Variants in GSN observed in about 807,000 individuals in gnomAD.
GSN encodes gelsolin.
Under a neutral mutation model 85.7 loss-of-function variants are expected in GSN, and 56 were observed. The observed-to-expected ratio is 0.65, with a 90% CI of 0.53 to 0.82. The LOEUF (loss-of-function observed/expected upper bound fraction) is 0.82. Ranked by LOEUF, GSN falls within the 40% of genes least tolerant of loss-of-function variation. GSN has a pLI of 0.00. For missense variants in GSN, 857 were observed against 979.8 expected, an observed-to-expected ratio of 0.87 and a Z score of 1.67; for synonymous variants, 373 against 399.1, an observed-to-expected ratio of 0.93 and a Z score of 0.78.
rs2063346529 is a variant in GSN at position 121,327,394 on chromosome 9, A to C, written c.1674A>C (p.Gly558=). The part of the protein sequence containing the change: ...PSAAYLWVGT[G]ASEAEKTGAQ... ...CCGCCTACCTGTGGGTGGGTACAGG[A>C]GCCAGCGAGGCAGAGAAGACGGGGG... The change falls in exon 14 of 18, where the codon GGA becomes GGC. Residue 558 remains glycine, a synonymous_variant. Transcript: ENST00000432226. The C allele has an allele frequency of 6.2e-7, 1 of 1,613,556 alleles. No homozygotes were observed. The highest frequency in any genetic ancestry group is 1.3e-5 in the African/African-American group (1 of 75,002).
At chr9:121,205,993 C>T (rs1231600428), upstream of GSN, among the ~76,000 whole-genome samples, 2 of 151,752 alleles carry the variant, frequency 1.3e-5, no homozygotes. Flanking sequence ...TTCCCCCCTA[C>T]CCCTATGCTT....
intron 5 of GSN, among the ~76,000 whole-genome samples, chr9:121,233,417 A>G (rs2054431572): frequency 6.6e-6 from 1 of 152,158 alleles, no homozygotes; most frequent in South Asian, 2.1e-4. Context: ...GTGAGCTGAG[A>G]TCACGCCACT....
chr9:121,274,996 T>C (rs1048311426), intron 1 of GSN, among the ~76,000 whole-genome samples: 2 of 152,200 alleles, frequency 1.3e-5, no homozygotes, highest in Non-Finnish European at 2.9e-5. Context: ...AAATTTCTGC[T>C]CATAAAGGTT....
intron 5 of GSN, chr9:121,231,377 TGA>T (rs1468459987): frequency 6.6e-6 from 1 of 152,166 alleles, no homozygotes; most frequent in Non-Finnish European, 1.5e-5. Flanking sequence ...TGATAACTCG[TGA>T]AAGCCTTAGG....
intron 4 of GSN, among the ~76,000 whole-genome samples, chr9:121,304,226 T>C (rs1457331877): frequency 6.7e-6 from 1 of 149,940 alleles, no homozygotes; most frequent in Non-Finnish European, 1.5e-5. Flanking sequence ...GAGACTCAGA[T>C]AGCAATGGGC....
chr9:121,205,669 G>A (rs558845261), upstream of GSN, among the ~76,000 whole-genome samples: 2 of 152,166 alleles, frequency 1.3e-5, no homozygotes, highest in Non-Finnish European at 2.9e-5. Context: ...CCATCTGCTG[G>A]AAGATATAGC....
chr9:121,315,127 C>G (rs2061566587), intron 7 of GSN, among the ~76,000 whole-genome samples: 1 of 152,182 alleles, frequency 6.6e-6, no homozygotes, highest in South Asian at 2.1e-4. Flanking sequence ...TCCCAAAGTG[C>G]TGGGATTACA....
At position 121,302,071 on chromosome 9, in the gene GSN, C is replaced by A. The variant is rs746456127; in HGVS notation, c.100C>A (p.Leu34Ile). The change falls in exon 3 of 18, where the codon CTT becomes ATT. Residue 34 changes from leucine to isoleucine, a missense_variant. By Grantham distance (5) the Leu-to-Ile change is conservative (BLOSUM62 2). Transcript: ENST00000432226. ...CGATCTGGTGCCCGTGCCCACCAAC[C>A]TTTATGGAGACTTCTTCACGGGCGA... ...KFDLVPVPTN[L>I]YGDFFTGDAY... is the part of the protein sequence containing the mutation. The A allele has an allele frequency of 2.5e-6, 4 of 1,614,250 alleles. No homozygotes were observed. The Admixed American group carries it at 5.0e-5, about 20-fold the overall frequency.
chr9:121,310,330 A>G (rs1233809613), intron 4 of GSN: 1 of 339,056 alleles, frequency 2.9e-6, no homozygotes, highest in Non-Finnish European at 5.7e-6. Flanking sequence ...GGTTTTGAGG[A>G]AGGAATTGTT....
intron 11 of GSN, among the ~76,000 whole-genome samples, chr9:121,321,731 G>GTTTATTTA (rs36130872): frequency 8.0e-5 from 12 of 150,368 alleles, no homozygotes; most frequent in Non-Finnish European, 1.3e-4. Context: ...ATTTATATTT[G>GTTTATTTA]TTTATTTATT....
chr9:121,208,940 T>A (rs1459699572), intron 1 of GSN, among the ~76,000 whole-genome samples: 1 of 152,242 alleles, frequency 6.6e-6, no homozygotes, highest in Non-Finnish European at 1.5e-5. Context: ...CATGAAATCT[T>A]TCCCACCAGT....
At chr9:121,302,288 C>CTGG in intron 3 of GSN, 121 bp downstream of exon 3, 1 of 1,143,184 alleles carries the variant, frequency 8.7e-7, no homozygotes, top group South Asian at 1.3e-5. Flanking sequence ...GGGCCCTTGA[C>CTGG]TGGTGGTTCA....
intron 8 of GSN, 78 bp downstream of exon 8, chr9:121,317,296 C>T (rs2061831534): frequency 6.8e-7 from 1 of 1,481,396 alleles, no homozygotes; most frequent in Non-Finnish European, 9.4e-7. Context: ...AGGAACTCAG[C>T]TCCCGGGGAG....
At chr9:121,258,459 T>C (rs1379417970) in intron 6 of GSN, among the ~76,000 whole-genome samples, 3 of 58,730 alleles carry the variant, frequency 5.1e-5, no homozygotes, top group African/African-American at 2.2e-4. Flanking sequence ...TGAGACTCCT[T>C]ATCAGAAAAA....
chr9:121,273,763 A>G (rs1449807446), intron 1 of GSN, among the ~76,000 whole-genome samples: 1 of 152,218 alleles, frequency 6.6e-6, no homozygotes, highest in Non-Finnish European at 1.5e-5. Context: ...AAAGCATACT[A>G]TACCTAAGTA....
Position 121,302,067 on chromosome 9 carries a change from C to T in GSN, c.96C>T (p.Thr32=), listed in dbSNP as rs1245362153. The change falls in exon 3 of 18, where the codon ACC becomes ACT. Residue 32 remains threonine, a synonymous_variant. Transcript: ENST00000432226. ...VEKFDLVPVP[T]NLYGDFFTGD... ...AGTTCGATCTGGTGCCCGTGCCCAC[C>T]AACCTTTATGGAGACTTCTTCACGG... 6 of 1,614,108 alleles carry T rather than the reference C, an allele frequency of 3.7e-6. No homozygotes were observed. Among genetic ancestry groups the T allele is most frequent in the Middle Eastern group, 1.6e-4 (1 of 6,084 alleles).
chr9:121,301,352 C>T (rs112532363), intron 2 of GSN, among the ~76,000 whole-genome samples: 2,496 of 152,234 alleles, frequency 0.016, 72 homozygotes, highest in African/African-American at 0.052. Flanking sequence ...GGAGGCTGGG[C>T]GCGGTGGCTC....
At chr9:121,260,846 A>G (rs1240710674) in intron 6 of GSN, among the ~76,000 whole-genome samples, 2 of 152,206 alleles carry the variant, frequency 1.3e-5, no homozygotes, top group East Asian at 1.9e-4. Context: ...CAGAAGTGCA[A>G]AAGAACAGGG....
At chr9:121,276,209 C>T (rs2056649058) in intron 1 of GSN, among the ~76,000 whole-genome samples, 1 of 152,230 alleles carries the variant, frequency 6.6e-6, no homozygotes, top group African/African-American at 2.4e-5. Flanking sequence ...CCCAAATCAA[C>T]CATTTGCACA....
Sources: allele counts gnomAD v4.1 joint callset (sites outside exome capture counted in the v4.1 genomes callset), GRCh38; gene constraint gnomAD v4.1.1; transcripts MANE v1.5; gene names NCBI Gene and HGNC (gene_info 2026-07-23, HGNC 2026-07-21).